The following ARHGEF26 variants were observed in gnomAD, a reference collection of about 807,000 sequenced individuals.
The protein encoded by ARHGEF26 is Rho guanine nucleotide exchange factor (GEF) 26.
In ARHGEF26, 59 loss-of-function variants were observed where a neutral mutation model predicts 89.4. The ratio of observed to expected loss-of-function variants is 0.66; its 90% CI spans 0.54 to 0.82. The LOEUF (loss-of-function observed/expected upper bound fraction) is 0.82. Among genes scored for constraint, ARHGEF26 ranks in the 40% least tolerant of loss-of-function variants. The pLI is 0.00. For missense variants in ARHGEF26, 1,234 were observed against 1,085.6 expected, an observed-to-expected ratio of 1.14 and a Z score of -1.92; for synonymous variants, 500 against 428.4, an observed-to-expected ratio of 1.17 and a Z score of -2.06.
At chr3:154,157,104 C>G (rs529787688) in intron 6 of ARHGEF26, among the ~76,000 whole-genome samples, 1 of 152,192 alleles carries the variant, frequency 6.6e-6, no homozygotes, top group Non-Finnish European at 1.5e-5. Flanking sequence ...AACGATCATT[C>G]TGACTGTGTG....
At chr3:154,155,393 A>T (rs1720273644) in intron 6 of ARHGEF26, among the ~76,000 whole-genome samples, 1 of 152,024 alleles carries the variant, frequency 6.6e-6, no homozygotes, top group Non-Finnish European at 1.5e-5. Flanking sequence ...AACATGTAAG[A>T]TTGGCTTAGC....
chr3:154,204,603 T>C (rs1714896568), intron 9 of ARHGEF26, among the ~76,000 whole-genome samples: 1 of 152,136 alleles, frequency 6.6e-6, no homozygotes, highest in Non-Finnish European at 1.5e-5. Flanking sequence ...GTGCTGGGAT[T>C]ATAGGCATGA....
At chr3:154,159,434 CAT>C (rs1357624252) in intron 6 of ARHGEF26, among the ~76,000 whole-genome samples, 1 of 152,084 alleles carries the variant, frequency 6.6e-6, no homozygotes, top group African/African-American at 2.4e-5. Flanking sequence ...TTGTTCCCAA[CAT>C]ATAATGAGCA....
At chr3:154,221,933 G>C (rs1716155547) in intron 10 of ARHGEF26, among the ~76,000 whole-genome samples, 1 of 152,136 alleles carries the variant, frequency 6.6e-6, no homozygotes, top group African/African-American at 2.4e-5. Flanking sequence ...TTTGGTTTAT[G>C]GTATGGCCAT....
rs547885420 is a variant in ARHGEF26, at chr3:154,149,605, G to A, written c.1326+160G>A. Among the ~76,000 whole-genome samples, 10 of 152,276 alleles carry A rather than the reference G, an allele frequency of 6.6e-5. No homozygotes were observed. In the South Asian group the frequency reaches 1.9e-3, roughly 28 times the overall value. On this transcript the variant is annotated intron_variant, in intron 5 of 14. Coordinates refer to ENST00000465093, the MANE Select transcript of ARHGEF26 (RefSeq NM_015595.4). ...AGTGATCATTTTAATGTAAAGCTAC[G>A]CATAAGCCCCCAGAAAAGAAAAAAT... is the stretch of plus-strand genomic sequence containing the variant.
intron 8 of ARHGEF26, among the ~76,000 whole-genome samples, chr3:154,194,218 T>C (rs1714143336): frequency 6.6e-6 from 1 of 152,252 alleles, no homozygotes; most frequent in Non-Finnish European, 1.5e-5. Flanking sequence ...CTCTTATTTA[T>C]TGAGGGCATA....
intron 12 of ARHGEF26, among the ~76,000 whole-genome samples, chr3:154,243,035 G>C (rs73160584): frequency 1.8e-4 from 28 of 152,236 alleles, no homozygotes; most frequent in Non-Finnish European, 3.8e-4. Context: ...CCAAGACCAG[G>C]GTCAAGGGGA....
intron 6 of ARHGEF26, among the ~76,000 whole-genome samples, chr3:154,168,020 AATTT>A (rs1415988957): frequency 1.3e-5 from 2 of 152,168 alleles, no homozygotes; most frequent in Non-Finnish European, 2.9e-5. Context: ...ACCTGCTGTT[AATTT>A]ATTTATCTTA....
intron 6 of ARHGEF26, among the ~76,000 whole-genome samples, chr3:154,180,079 A>T (rs1713087340): frequency 6.6e-6 from 1 of 152,010 alleles, no homozygotes; most frequent in African/African-American, 2.4e-5. Flanking sequence ...CCTACTGTGT[A>T]CCATCTTCTC....
chr3:154,255,692 ACCT>A lies in ARHGEF26; in HGVS notation c.*223_*225del. On this transcript the variant is annotated 3_prime_UTR_variant, in exon 15 of 15. Coordinates refer to ENST00000465093, the MANE Select transcript of ARHGEF26 (RefSeq NM_015595.4). ...TTTTTACCTAACCACACACTTGCAG[ACCT>A]CCTGAGGTACACAGAATAGCTGAGC... 1.5e-6 allele frequency: 2 copies of A among 1,366,430 alleles called. No individual in the cohort carries two copies. The highest frequency in any genetic ancestry group is 1.9e-6 in the Non-Finnish European group (2 of 1,065,552). 84.6% of individuals were successfully genotyped at this position (1,366,430 alleles called of 1,614,324 possible). A position where few individuals can be genotyped will look rare whatever the true frequency, so the allele number is the denominator to read the frequency against.
intron 13 of ARHGEF26, 64 bp from the exon 14 acceptor site, chr3:154,254,655 AT>A: frequency 8.0e-7 from 1 of 1,246,148 alleles, no homozygotes; most frequent in Non-Finnish European, 1.2e-6. Context: ...GTAAGTGTAC[AT>A]TATTGGATTG....
intron 9 of ARHGEF26, among the ~76,000 whole-genome samples, chr3:154,199,812 T>G (rs1714517656): frequency 6.6e-6 from 1 of 152,116 alleles, no homozygotes; most frequent in African/African-American, 2.4e-5. Flanking sequence ...TCGCTAATGA[T>G]CAGTGATGTT....
intron 6 of ARHGEF26, among the ~76,000 whole-genome samples, chr3:154,180,835 G>GTAGGA (rs1415304271): frequency 2.0e-5 from 3 of 152,068 alleles, no homozygotes; most frequent in Non-Finnish European, 4.4e-5. Flanking sequence ...CAGGATGTAG[G>GTAGGA]TAGGATATTT....
Position 154,256,990 on chromosome 3 carries a change from A to C in ARHGEF26, c.*1517A>C. 2 of 1,518,606 alleles carry C rather than the reference A, an allele frequency of 1.3e-6. No homozygotes were observed. Among genetic ancestry groups the C allele is most frequent in the Non-Finnish European group, 1.8e-6 (2 of 1,139,598 alleles). The allele number at this position is 1,518,606 out of a possible 1,614,324, so 94.1% of individuals were successfully genotyped here. On this transcript the variant is annotated 3_prime_UTR_variant, in exon 15 of 15. Transcript: ENST00000465093. ...CCCTCTCTGTTCTATTTGCTTTAAC[A>C]AAGGGATAAAACCTGGCAAAGTGTA...
At chr3:154,198,046 C>G (rs890820559) in intron 9 of ARHGEF26, among the ~76,000 whole-genome samples, 6 of 152,072 alleles carry the variant, frequency 3.9e-5, no homozygotes, top group African/African-American at 1.2e-4. Flanking sequence ...TAGTCAAGCT[C>G]TATTTAATCT....
chr3:154,199,101 T>A (rs765402569), intron 9 of ARHGEF26, among the ~76,000 whole-genome samples: 9 of 151,910 alleles, frequency 5.9e-5, no homozygotes, highest in South Asian at 2.1e-4. Flanking sequence ...TGTAGGGGGT[T>A]ATTATTGACT....
At chr3:154,218,005 T>C (rs1388846597) in intron 10 of ARHGEF26, 47 bp downstream of exon 10, 1 of 1,491,544 alleles carries the variant, frequency 6.7e-7, no homozygotes, top group South Asian at 1.2e-5. Context: ...TGTTTTTCTC[T>C]AAATAGAGAG....
In ARHGEF26 at chr3:154,122,500, G is replaced by C. The variant is rs1718026483; in HGVS notation, c.508G>C (p.Val170Leu). Residue 170 changes from valine to leucine, a missense_variant, in exon 2 of 15, where the codon GTG (valine) becomes CTG (leucine). Coordinates refer to ENST00000465093, the MANE Select transcript of ARHGEF26 (RefSeq NM_015595.4). Reference sequence around the variant, plus strand: ...CCTTACTGGGTTGACTGCCAGCCCGGTGCCTTCGCCCACTGCAAATGGCCT... The same window carrying C: ...CCTTACTGGGTTGACTGCCAGCCCGCTGCCTTCGCCCACTGCAAATGGCCT... The part of the protein sequence containing the change: ...EDLTGLTASP[V>L]PSPTANGLAA... 1 of 1,613,130 alleles carries C rather than the reference G, an allele frequency of 6.2e-7. No homozygotes were observed.
Position 154,122,279 on chromosome 3 carries a change from C to T in ARHGEF26, c.287C>T (p.Thr96Met). The T allele has an allele frequency of 1.2e-6, 2 of 1,612,298 alleles. No individual in the cohort carries two copies. The highest frequency in any genetic ancestry group is 4.5e-5 in the East Asian group (2 of 44,824). Residue 96 changes from threonine (T) to methionine (M), a missense_variant, in exon 2 of 15, where the codon ACG (threonine) becomes ATG (methionine). Coordinates refer to ENST00000465093, the MANE Select transcript of ARHGEF26 (RefSeq NM_015595.4). Reference sequence around the variant, plus strand: ...CGGAGAGCGGTGGCCAATGGTGGGACGGCATCCCCGGAGTACAGGGCTGCC... The same window carrying T: ...CGGAGAGCGGTGGCCAATGGTGGGATGGCATCCCCGGAGTACAGGGCTGCC... ...AQRRAVANGGTASPEYRAASP... is the reference protein window; with the variant it reads ...AQRRAVANGGMASPEYRAASP...
Sources: allele counts gnomAD v4.1 joint callset (sites outside exome capture counted in the v4.1 genomes callset), GRCh38; gene constraint gnomAD v4.1.1; transcripts MANE v1.5; gene names NCBI Gene and HGNC (gene_info 2026-07-23, HGNC 2026-07-21).